TMEM192: variants seen among roughly 807,000 people sequenced by gnomAD.
The protein encoded by TMEM192 is transmembrane protein 192.
TMEM192 carries 20 observed loss-of-function variants against 26.7 expected under a neutral mutation model. That is an observed-to-expected ratio of 0.75 (90% CI 0.53 to 1.09). The LOEUF (loss-of-function observed/expected upper bound fraction) is 1.09, where lower values mean the gene tolerates loss of function less well. TMEM192 is among the 50% of genes least tolerant of loss of function. TMEM192 has a pLI of 0.00. For missense variants in TMEM192, 304 were observed against 322.6 expected (o/e 0.94, Z 0.44); for synonymous variants, 124 against 121.0 (o/e 1.02, Z -0.16).
chr4:165,104,692 G>A (rs1163207879), intron 1 of TMEM192, among the ~76,000 whole-genome samples: 4 of 152,052 alleles, frequency 2.6e-5, no homozygotes, highest in African/African-American at 7.2e-5. Flanking sequence ...CACTATGCCC[G>A]GCTAATTTTT....
At position 165,100,825 on chromosome 4, in the gene TMEM192, T is replaced by C. The variant is rs1735022891; in HGVS notation, c.242A>G (p.Lys81Arg). The C allele has an allele frequency of 4.3e-6, 7 of 1,614,016 alleles. No individual in the cohort carries two copies. Among genetic ancestry groups the C allele is most frequent in the Non-Finnish European group, 5.9e-6 (7 of 1,180,028 alleles). Residue 81 changes from lysine to arginine, a missense_variant, in exon 3 of 6, where the codon AAG becomes AGG. Lys to Arg is a conservative substitution (Grantham distance 26, BLOSUM62 2). Coordinates refer to ENST00000306480, the MANE Select transcript of TMEM192 (RefSeq NM_001100389.2). ...LCSYPNPNEDKCPGNYTNPLK... is the reference protein window; with the variant it reads ...LCSYPNPNEDRCPGNYTNPLK... ...TGGGTTTGTGTAATTTCCTGGGCAC[T>C]TGTCCTCATTTGGATTAGGATAAGA...
chr4:165,093,724 T>C (rs948801740), intron 3 of TMEM192, among the ~76,000 whole-genome samples: 2 of 152,098 alleles, frequency 1.3e-5, no homozygotes, highest in African/African-American at 4.8e-5. Flanking sequence ...AGTTATACAG[T>C]AATAGTCTAA....
At chr4:165,097,153 A>G (rs1734926529) in intron 3 of TMEM192, among the ~76,000 whole-genome samples, 1 of 152,096 alleles carries the variant, frequency 6.6e-6, no homozygotes. Flanking sequence ...TTCAGCTTCC[A>G]CTGAGAATTT....
intron 3 of TMEM192, among the ~76,000 whole-genome samples, chr4:165,100,291 C>A (rs1343714370): frequency 6.6e-6 from 1 of 151,632 alleles, no homozygotes; most frequent in Non-Finnish European, 1.5e-5. Context: ...TCCTGAGTAG[C>A]TGGGATTACA....
At position 165,112,779 on chromosome 4, in the gene TMEM192, G is replaced by A. The variant is rs750223858; in HGVS notation, c.-6C>T. ...ATCCTGCCCCCCGCCGCCATTTCCC[G>A]ACGCCGGAGGCCGAAGCCCTGGCCA... On this transcript the variant is annotated 5_prime_UTR_variant, in exon 1 of 6. Coordinates refer to ENST00000306480, the MANE Select transcript of TMEM192 (RefSeq NM_001100389.2). The A allele has an allele frequency of 8.8e-5, 141 of 1,606,870 alleles. No individual in the cohort carries two copies. The highest frequency in any genetic ancestry group is 1.2e-4 in the Non-Finnish European group (137 of 1,178,850).
At chr4:165,089,095 C>G (rs1037254287) in intron 3 of TMEM192, among the ~76,000 whole-genome samples, 1 of 131,018 alleles carries the variant, frequency 7.6e-6, no homozygotes, top group South Asian at 2.8e-4. Flanking sequence ...CCAGAGAAAA[C>G]TATTCTTATG....
intron 3 of TMEM192, among the ~76,000 whole-genome samples, chr4:165,099,102 CTT>C (rs1160535314): frequency 1.3e-4 from 16 of 126,168 alleles, no homozygotes; most frequent in Admixed American, 3.3e-4. Flanking sequence ...TTTTTTCTTT[CTT>C]TTTTTTTTTT....
chr4:165,112,692 G>T, intron 1 of TMEM192, 55 bp downstream of exon 1: 1 of 1,604,180 alleles, frequency 6.2e-7, no homozygotes, highest in Non-Finnish European at 8.5e-7. Context: ...CGTGCGCCCC[G>T]GCACAAGAAA....
At chr4:165,109,332 C>T (rs75966491) in intron 1 of TMEM192, among the ~76,000 whole-genome samples, 2,450 of 152,308 alleles carry the variant, frequency 0.016, 41 homozygotes, top group Non-Finnish European at 0.027. Flanking sequence ...TTCTTGTATG[C>T]TTCAGACCTG....
chr4:165,093,228 C>T (rs1261746784), intron 3 of TMEM192, among the ~76,000 whole-genome samples: 1 of 151,158 alleles, frequency 6.6e-6, no homozygotes, highest in African/African-American at 2.4e-5. Flanking sequence ...TCCTGAGTAG[C>T]TGGGATTACA....
intron 3 of TMEM192, among the ~76,000 whole-genome samples, chr4:165,095,115 T>C (rs1456512557): frequency 6.6e-6 from 1 of 152,128 alleles, no homozygotes; most frequent in African/African-American, 2.4e-5. Context: ...TAGGATCTGA[T>C]GCCTCCTAGA....
chr4:165,104,963 T>G lies in TMEM192; in HGVS notation c.28-1867A>C, dbSNP rs544599607. On this transcript the variant is annotated intron_variant, in intron 1 of 5. Transcript: ENST00000306480. ...TCTCAGTCAGCAGATGTTGGAGCCT[T>G]GAGATCTGCTCTTCCCTTAGCTAAT... is the stretch of plus-strand genomic sequence containing the variant. Among the ~76,000 whole-genome samples the G allele has an allele frequency of 3.9e-5, 6 of 152,312 alleles. No homozygotes were observed. In the South Asian group the frequency reaches 1.0e-3, roughly 26 times the overall value.
At position 165,085,612 on chromosome 4, in the gene TMEM192, G is replaced by A; in HGVS notation, c.651C>T (p.Ser217=). The change falls in exon 5 of 6, where the codon AGC becomes AGT. Residue 217 remains serine, a synonymous_variant. Coordinates refer to ENST00000306480, the MANE Select transcript of TMEM192 (RefSeq NM_001100389.2). ...TGAATCCAGTCTCCGAGGTAATATT[G>A]CTGGGGTAAGCATAGATTTTTTCTT... is the stretch of plus-strand genomic sequence containing the variant. ...LEEEKIYAYP[S]NITSETGFRT... The A allele has an allele frequency of 6.2e-7, 1 of 1,611,896 alleles. No individual in the cohort carries two copies. The highest frequency in any genetic ancestry group is 8.5e-7 in the Non-Finnish European group (1 of 1,179,174).
At position 165,079,483 on chromosome 4, in the gene TMEM192, C is replaced by T. The variant is rs1275135769; in HGVS notation, c.*175G>A. The T allele has an allele frequency of 3.4e-6, 2 of 588,766 alleles. No individual in the cohort carries two copies. Among genetic ancestry groups the T allele is most frequent in the Admixed American group, 7.6e-5 (2 of 26,322 alleles). 36.5% of individuals were successfully genotyped at this position (588,766 alleles called of 1,614,324 possible). ...TTCTACAGGTACTTTTCAAGTGACC[C>T]ACAAGCCCTATATTTTAAACAGCCA... On this transcript the variant is annotated 3_prime_UTR_variant, in exon 6 of 6. Transcript: ENST00000306480.
intron 1 of TMEM192, among the ~76,000 whole-genome samples, chr4:165,103,781 C>T (rs1395585308): frequency 1.3e-5 from 2 of 152,112 alleles, no homozygotes; most frequent in Non-Finnish European, 2.9e-5. Context: ...CTCGGCCTCC[C>T]AAAGTGCTGG....
chr4:165,105,421 G>A (rs62352227), intron 1 of TMEM192, among the ~76,000 whole-genome samples: 18,583 of 152,144 alleles, frequency 0.12, 1,324 homozygotes, highest in East Asian at 0.27. Flanking sequence ...AAACTGCCTG[G>A]ATTCAAGCAC....
intron 3 of TMEM192, among the ~76,000 whole-genome samples, chr4:165,092,527 A>T (rs1254829400): frequency 6.6e-6 from 1 of 151,782 alleles, no homozygotes; most frequent in East Asian, 1.9e-4. Flanking sequence ...CCTACCACAC[A>T]CTCAGCATAT....
intron 3 of TMEM192, among the ~76,000 whole-genome samples, chr4:165,096,583 G>A (rs1734911006): frequency 6.7e-6 from 1 of 149,918 alleles, no homozygotes; most frequent in Non-Finnish European, 1.5e-5. Context: ...AATATTATCA[G>A]TACTGTTATC....
chr4:165,086,783 C>T (rs1304838187), intron 4 of TMEM192, among the ~76,000 whole-genome samples: 2 of 151,832 alleles, frequency 1.3e-5, no homozygotes, highest in African/African-American at 2.4e-5. Flanking sequence ...ATCTCACCAT[C>T]ATCCCTGAAG....
Sources: gnomAD v4.1 joint callset for allele counts (sites outside exome capture counted in the v4.1 genomes callset) on GRCh38, gnomAD v4.1.1 for gene constraint, MANE v1.5 for transcripts, NCBI Gene and HGNC (gene_info 2026-07-23, HGNC 2026-07-21) for gene names.